Variants in SYT6 observed in about 807,000 individuals in gnomAD.
SYT6 encodes synaptotagmin 6, also known as synaptotagmin-6.
Under a neutral mutation model 38.4 loss-of-function variants are expected in SYT6, and 24 were observed. The observed-to-expected ratio is 0.62, with a 90% CI of 0.45 to 0.88. The LOEUF (loss-of-function observed/expected upper bound fraction) is 0.88, where lower values mean the gene tolerates loss of function less well. Among genes scored for constraint, SYT6 ranks in the 40% least tolerant of loss-of-function variants. The probability of loss-of-function intolerance (pLI) is 0.00; values close to 1 mark genes in which losing one functional copy is unlikely to be tolerated. For missense variants in SYT6, 611 were observed against 621.0 expected (o/e 0.98, Z 0.17); for synonymous variants, 265 against 241.9 (o/e 1.10, Z -0.89).
At chr1:114,141,924 A>G (rs1678886980) in intron 1 of SYT6, among the ~76,000 whole-genome samples, 1 of 152,244 alleles carries the variant, frequency 6.6e-6, no homozygotes, top group Non-Finnish European at 1.5e-5. Context: ...GGTTTACTGA[A>G]TATTTTAAGC....
At chr1:114,146,214 A>T (rs1679148816) in intron 1 of SYT6, among the ~76,000 whole-genome samples, 1 of 152,222 alleles carries the variant, frequency 6.6e-6, no homozygotes, top group Admixed American at 6.5e-5. Flanking sequence ...AAGGCTAGTA[A>T]GACCAGAAGC....
intron 1 of SYT6, chr1:114,152,847 G>A (rs1679517482): frequency 6.6e-6 from 1 of 152,244 alleles, no homozygotes; most frequent in African/African-American, 2.4e-5. Context: ...CAGGGTCAGC[G>A]CGGATCGGGC....
chr1:114,119,593 A>G (rs2101033744), intron 3 of SYT6, among the ~76,000 whole-genome samples: 1 of 152,292 alleles, frequency 6.6e-6, no homozygotes, highest in East Asian at 1.9e-4. Context: ...ATATTACGTT[A>G]AAGAGTGGGG....
chr1:114,137,913 T>C lies in SYT6; in HGVS notation c.653A>G (p.Asp218Gly). 6.2e-7 allele frequency: 1 copy of C among 1,613,920 alleles called. No individual in the cohort carries two copies. Among genetic ancestry groups the C allele is most frequent in the Non-Finnish European group, 8.5e-7 (1 of 1,179,952 alleles). ...KPELYKQKSV[D>G]GEDAKSEATK... ...GGCCTCAGACTTGGCATCCTCCCCA[T>C]CCACCGACTTCTGCTTGTAGAGCTC... The change falls in exon 3 of 8, where the codon GAT becomes GGT. Residue 218 changes from aspartate (D) to glycine (G), a missense_variant. Coordinates refer to ENST00000610222, the MANE Select transcript of SYT6 (RefSeq NM_001253772.2).
chr1:114,109,488 T>C (rs564262415), intron 3 of SYT6, among the ~76,000 whole-genome samples: 79 of 152,354 alleles, frequency 5.2e-4, no homozygotes, highest in African/African-American at 1.8e-3. Context: ...ACTTAACCTT[T>C]CATAATCTTG....
chr1:114,091,740 C>T lies in SYT6; in HGVS notation c.*394G>A. The T allele has an allele frequency of 3.6e-6, 1 of 279,064 alleles. No homozygotes were observed. Among genetic ancestry groups the T allele is most frequent in the Non-Finnish European group, 5.9e-6 (1 of 169,086 alleles). 17.3% of individuals were successfully genotyped at this position (279,064 alleles called of 1,614,324 possible). A position where few individuals can be genotyped will look rare whatever the true frequency, so the allele number is the denominator to read the frequency against. On this transcript the variant is annotated 3_prime_UTR_variant, in exon 8 of 8. Transcript: ENST00000610222. ...TGGGCTTTCCACCCTTTGTCTTTTC[C>T]TACTCTTTTTTTTTTTCCCTTTTCT... is the stretch of plus-strand genomic sequence containing the variant.
At chr1:114,105,670 C>T (rs1421660615) in intron 3 of SYT6, among the ~76,000 whole-genome samples, 2 of 152,124 alleles carry the variant, frequency 1.3e-5, no homozygotes, top group Non-Finnish European at 1.5e-5. Flanking sequence ...AGCAACTCTG[C>T]GAGGCAGGCT....
At chr1:114,122,506 T>TGTGTGTGCGCGC (rs60780339) in intron 3 of SYT6, among the ~76,000 whole-genome samples, 1,545 of 147,386 alleles carry the variant, frequency 0.01, 12 homozygotes, top group East Asian at 0.056. Context: ...TGTGTGTGTG[T>TGTGTGTGCGCGC]GCGCGCACAT....
Position 114,153,052 on chromosome 1 carries a change from A to G in SYT6, c.163+558T>C, listed in dbSNP as rs1214869430. 3 of 118,052 alleles carry G rather than the reference A, an allele frequency of 2.5e-5. No individual in the cohort carries two copies. The East Asian group carries it at 8.5e-4, about 34-fold the overall frequency. The allele number at this position is 118,052 out of a possible 1,614,324, so 7.3% of individuals were successfully genotyped here. A position where few individuals can be genotyped will look rare whatever the true frequency, so the allele number is the denominator to read the frequency against. ...CCCCCCAGCGGAGACGCGGAAAACCACTCGCAGCCGGAGAGACACCCGGAC... is the reference window on the plus strand; with the variant it reads ...CCCCCCAGCGGAGACGCGGAAAACCGCTCGCAGCCGGAGAGACACCCGGAC... On this transcript the variant is annotated intron_variant, in intron 1 of 7. Transcript: ENST00000610222.
intron 6 of SYT6, among the ~76,000 whole-genome samples, chr1:114,094,881 C>T (rs905575584): frequency 3.3e-5 from 5 of 152,206 alleles, no homozygotes; most frequent in African/African-American, 1.2e-4. Context: ...TGAGGATGAG[C>T]GGGAGGATTG....
chr1:114,139,858 T>A lies in SYT6; in HGVS notation c.269A>T (p.Asn90Ile), dbSNP rs766511873. The A allele has an allele frequency of 2.5e-6, 4 of 1,581,302 alleles. No homozygotes were observed. Among genetic ancestry groups the A allele is most frequent in the Non-Finnish European group, 3.4e-6 (4 of 1,164,028 alleles). The change falls in exon 2 of 8, where the codon AAC becomes ATC. Residue 90 changes from asparagine to isoleucine, a missense_variant. Physicochemically the swap from Asn to Ile is moderately radical, Grantham distance 149. Coordinates refer to ENST00000610222, the MANE Select transcript of SYT6 (RefSeq NM_001253772.2). ...FWKLCWMPWR[N>I]KEASSPSSAN... ...AGAAGAGGGACTGGAGGCCTCCTTG[T>A]TCCTCCAGGGCATCCAGCACAGCTT...
At chr1:114,126,640 A>C (rs1430170442) in intron 3 of SYT6, among the ~76,000 whole-genome samples, 1 of 152,240 alleles carries the variant, frequency 6.6e-6, no homozygotes, top group Non-Finnish European at 1.5e-5. Flanking sequence ...TGTTGGAGAA[A>C]TCGCTTTTTG....
rs1453654266 is a variant in SYT6, at chr1:114,138,037, G to A, written c.529C>T (p.Arg177Cys). 4 of 1,613,630 alleles carry A rather than the reference G, an allele frequency of 2.5e-6. No homozygotes were observed. The highest frequency in any genetic ancestry group is 1.7e-5 in the Admixed American group (1 of 59,986). ...ASSTRHTSFK[R>C]HLPRQMHVSS... ...ACATGCATCTGCCTTGGCAGGTGGCGCTTGAAGGACGTGTGCCTGGTAGAG... is the reference window on the plus strand; with the variant it reads ...ACATGCATCTGCCTTGGCAGGTGGCACTTGAAGGACGTGTGCCTGGTAGAG... The change falls in exon 3 of 8, where the codon CGC (arginine) becomes TGC (cysteine). Residue 177 changes from arginine to cysteine, a missense_variant. Coordinates refer to ENST00000610222, the MANE Select transcript of SYT6 (RefSeq NM_001253772.2).
intron 4 of SYT6, among the ~76,000 whole-genome samples, chr1:114,100,582 G>A (rs1675906566): frequency 6.6e-6 from 1 of 152,242 alleles, no homozygotes; most frequent in East Asian, 1.9e-4. Flanking sequence ...CCTTAACCAT[G>A]GGGAGATGAG....
At chr1:114,127,737 G>T (rs543731011) in intron 3 of SYT6, among the ~76,000 whole-genome samples, 1 of 152,222 alleles carries the variant, frequency 6.6e-6, no homozygotes, top group Non-Finnish European at 1.5e-5. Context: ...CAAAGGAGAG[G>T]TCCCACCCAT....
chr1:114,125,906 T>C (rs1052635952), intron 3 of SYT6, among the ~76,000 whole-genome samples: 1 of 152,122 alleles, frequency 6.6e-6, no homozygotes, highest in African/African-American at 2.4e-5. Context: ...AGACTAACTT[T>C]TGGGAGAGGG....
rs985388876 is a variant in SYT6, at chr1:114,125,148, A to T, written c.1071+12347T>A. On this transcript the variant is annotated intron_variant, in intron 3 of 7. Coordinates refer to ENST00000610222, the MANE Select transcript of SYT6 (RefSeq NM_001253772.2). ...GTGAAGAAAACATAAAATATCTCCT[A>T]GGGAAACCCGACCCATGGTCGAGGA... 2.0e-5 allele frequency among the ~76,000 whole-genome samples: 3 copies of T among 152,230 alleles called. No individual in the cohort carries two copies. The East Asian group carries it at 5.8e-4, about 29-fold the overall frequency.
intron 3 of SYT6, among the ~76,000 whole-genome samples, chr1:114,114,681 T>G (rs1276424950): frequency 6.6e-6 from 1 of 152,232 alleles, no homozygotes. Flanking sequence ...ATTGACAGGC[T>G]TCCCAGATGA....
Position 114,093,707 on chromosome 1 carries a change from C to T in SYT6, c.*51+28G>A, listed in dbSNP as rs539499. 1,207 of 1,604,328 alleles carry T rather than the reference C, an allele frequency of 7.5e-4. 6 individuals are homozygous for T. In the African/African-American group the frequency reaches 0.014, roughly 18 times the overall value. ...AGACAAAAGGTAATAAGCAACCTAA[C>T]GTCTTTGGGTCCACACCAGGTACTT... On this transcript the variant is annotated intron_variant, in intron 7 of 7. Coordinates refer to ENST00000610222, the MANE Select transcript of SYT6 (RefSeq NM_001253772.2).
Sources: gnomAD v4.1 joint callset for allele counts (sites outside exome capture counted in the v4.1 genomes callset) on GRCh38, gnomAD v4.1.1 for gene constraint, MANE v1.5 for transcripts, NCBI Gene and HGNC (gene_info 2026-07-23, HGNC 2026-07-21) for gene names.